Variants in ACE observed in about 807,000 individuals in gnomAD.
ACE encodes the protein angiotensin I converting enzyme.
Under a neutral mutation model 162.3 loss-of-function variants are expected in ACE, and 122 were observed. The ratio of observed to expected loss-of-function variants is 0.75; its 90% CI spans 0.65 to 0.87. The LOEUF is 0.87. ACE is among the 40% of genes least tolerant of loss of function. The pLI, the probability that ACE is intolerant of heterozygous loss-of-function variation, is 0.00. For synonymous variants in ACE, 796 were observed against 720.6 expected (o/e 1.10, Z -1.68); for missense variants, 1,799 against 1,735.1 (o/e 1.04, Z -0.65).
At chr17:63,487,215 C>T (rs886229229) in intron 15 of ACE, 142 bp downstream of exon 15, 14 of 728,130 alleles carry the variant, frequency 1.9e-5, no homozygotes, top group African/African-American at 1.7e-4. Context: ...TTGTTTTCCA[C>T]GAGGGGGGCT....
chr17:63,493,817 CAG>C, intron 20 of ACE, 103 bp from the exon 21 acceptor site: 2 of 1,572,942 alleles, frequency 1.3e-6, no homozygotes, highest in Non-Finnish European at 1.7e-6. Flanking sequence ...AGGCAGGTCA[CAG>C]GGCCCAAAAG....
At position 63,482,482 on chromosome 17, in the gene ACE, CG is replaced by C. The variant is rs1568038030; in HGVS notation, c.1138del (p.Val380SerfsTer76). ...ACGCCCCAGGATCAAGCAGTGCACA[CG>C]GGTCACGATGGACCAGCTCTCCACA... ...RKDFRIKQCTRVTMDQLSTVH... is the reference protein window; with the variant it reads ...RKDFRIKQCTXVTMDQLSTVH... On this transcript the variant is annotated frameshift_variant, in exon 8 of 25. Coordinates refer to ENST00000290866, the MANE Select transcript of ACE (RefSeq NM_000789.4). LOFTEE classifies it high-confidence loss of function. The C allele has an allele frequency of 6.2e-7, 1 of 1,613,970 alleles. No individual in the cohort carries two copies. The highest frequency in any genetic ancestry group is 1.1e-5 in the South Asian group (1 of 91,074).
At position 63,497,313 on chromosome 17, in the gene ACE, C is replaced by T. The variant is rs752812293; in HGVS notation, c.3868C>T (p.Arg1290Trp). ...CAGCATCCGCCACCGCAGCCTCCAC[C>T]GGCACTCCCACGGGCCCCAGTTCGG... ...LFSIRHRSLH[R>W]HSHGPQFGSE... The change falls in exon 25 of 25, where the codon CGG (arginine) becomes TGG (tryptophan). Residue 1290 changes from arginine to tryptophan, a missense_variant. Physicochemically the swap from Arg to Trp is moderately radical, Grantham distance 101. Coordinates refer to ENST00000290866, the MANE Select transcript of ACE (RefSeq NM_000789.4). 115 of 1,549,700 alleles carry T rather than the reference C, an allele frequency of 7.4e-5. 1 individual carries two copies. In the East Asian group the frequency reaches 1.8e-3, roughly 24 times the overall value.
chr17:63,493,824 CA>C, intron 20 of ACE, 97 bp from the exon 21 acceptor site: 2 of 1,586,188 alleles, frequency 1.3e-6, no homozygotes. Context: ...TCACAGGGCC[CA>C]AAAGGTACAG....
intron 12 of ACE, 49 bp from the exon 13 acceptor site, chr17:63,485,187 G>T: frequency 2.5e-6 from 4 of 1,613,278 alleles, no homozygotes; most frequent in Non-Finnish European, 3.4e-6. Context: ...CCACAAACCT[G>T]GAGAGGGGAG....
At position 63,493,515 on chromosome 17, in the gene ACE, C is replaced by T. The variant is rs772433710; in HGVS notation, c.2992C>T (p.Gln998Ter). 1 of 1,614,056 alleles carries T rather than the reference C, an allele frequency of 6.2e-7. No homozygotes were observed. Among genetic ancestry groups the T allele is most frequent in the South Asian group, 1.1e-5 (1 of 91,086 alleles). ...HEMGHIQYFM[Q>*]YKDLPVALRE... ...AATGGGCCACATCCAGTATTTCATG[C>T]AGTACAAAGACTTACCTGTGGCCTT... Residue 998 changes from glutamine (Q) to a stop codon, truncating the protein, a stop_gained, in exon 20 of 25, where the codon CAG becomes TAG. Coordinates refer to ENST00000290866, the MANE Select transcript of ACE (RefSeq NM_000789.4). LOFTEE classifies it high-confidence loss of function.
chr17:63,493,869 G>A, intron 20 of ACE, 53 bp from the exon 21 acceptor site: 1 of 1,613,814 alleles, frequency 6.2e-7, no homozygotes, highest in Admixed American at 1.7e-5. Flanking sequence ...AGGCACACCA[G>A]GGCCAAGCCG....
rs749974477 is a variant in ACE, at chr17:63,477,838, C to A, written c.250-93C>A. On this transcript the variant is annotated intron_variant, in intron 1 of 24. Coordinates refer to ENST00000290866, the MANE Select transcript of ACE (RefSeq NM_000789.4). The stretch of plus-strand genomic sequence containing the variant: ...GGGCCCGGGCTCTGGAAGCCCTTGG[C>A]CTTCCTCCCCTCCCCCAGCACCGTG... 4 of 1,492,110 alleles carry A rather than the reference C, an allele frequency of 2.7e-6. No homozygotes were observed. The South Asian group carries it at 4.9e-5, about 18-fold the overall frequency. 92.4% of individuals were successfully genotyped at this position (1,492,110 alleles called of 1,614,324 possible).
At position 63,485,387 on chromosome 17, in the gene ACE, C is replaced by T. The variant is rs1416105426; in HGVS notation, c.2058+15C>T. ...GCAAGATTCTGGTGGGAGCCACCTC[C>T]CCACCCCCAAACCTGAGCATGTGCA... On this transcript the variant is annotated intron_variant, in intron 13 of 24. Coordinates refer to ENST00000290866, the MANE Select transcript of ACE (RefSeq NM_000789.4). 3 of 1,613,638 alleles carry T rather than the reference C, an allele frequency of 1.9e-6. No homozygotes were observed. The highest frequency in any genetic ancestry group is 2.5e-6 in the Non-Finnish European group (3 of 1,179,910).
chr17:63,480,979 C>T, intron 5 of ACE, 112 bp from the exon 6 acceptor site: 1 of 1,026,604 alleles, frequency 9.7e-7, no homozygotes, highest in Non-Finnish European at 1.5e-6. Context: ...GGCCTGCAGC[C>T]CTTGAGGGCC....
At position 63,490,983 on chromosome 17, in the gene ACE, A is replaced by ATC. The variant is rs2030333357; in HGVS notation, c.2673_2674dup (p.Tyr892SerfsTer21). 1 of 1,614,162 alleles carries ATC rather than the reference A, an allele frequency of 6.2e-7. No individual in the cohort carries two copies. The highest frequency in any genetic ancestry group is 1.3e-5 in the African/African-American group (1 of 75,054). ...CATGTGGGCGCAGACCTGGTCCAACATCTATGACTTGGTGGTGCCCTTCCC... is the reference window on the plus strand; with the variant it reads ...CATGTGGGCGCAGACCTGGTCCAACATCTCTATGACTTGGTGGTGCCCTTCCC... On this transcript the variant is annotated frameshift_variant, in exon 18 of 25. Coordinates refer to ENST00000290866, the MANE Select transcript of ACE (RefSeq NM_000789.4). LOFTEE classifies it high-confidence loss of function.
Position 63,493,475 on chromosome 17 carries a change from G to A in ACE, c.2952G>A (p.Val984=), listed in dbSNP as rs3730044. 9,775 of 1,614,076 alleles carry A rather than the reference G, an allele frequency of 6.1e-3. 81 individuals are homozygous for A. The highest frequency in any genetic ancestry group is 5.8e-3 in the Non-Finnish European group (6,825 of 1,180,012). ...CCACCGTGAACTTGGAGGACCTGGT[G>A]GTGGCCCACCACGAAATGGGCCACA... The part of the protein sequence containing the change: ...QCTTVNLEDL[V]VAHHEMGHIQ... The change falls in exon 20 of 25, where the codon GTG becomes GTA. Residue 984 remains valine, a synonymous_variant. Transcript: ENST00000290866.
intron 6 of ACE, among the ~76,000 whole-genome samples, 175 bp downstream of exon 6, chr17:63,481,363 C>G (rs991887869): frequency 1.2e-4 from 18 of 152,190 alleles, no homozygotes; most frequent in South Asian, 2.1e-4. Context: ...CTCCTCCCTC[C>G]AGGCTCCACA....
Position 63,493,531 on chromosome 17 carries a change from C to A in ACE, c.3008C>A (p.Pro1003His). ...TATTTCATGCAGTACAAAGACTTAC[C>A]TGTGGCCTTGAGGGAGGGTGCCAAC... ...IQYFMQYKDL[P>H]VALREGANPG... The change falls in exon 20 of 25, where the codon CCT becomes CAT. Residue 1003 changes from proline to histidine, a missense_variant. Transcript: ENST00000290866. The A allele has an allele frequency of 6.2e-7, 1 of 1,614,146 alleles. No individual in the cohort carries two copies. Among genetic ancestry groups the A allele is most frequent in the Non-Finnish European group, 8.5e-7 (1 of 1,180,040 alleles).
At chr17:63,477,432 C>G in intron 1 of ACE, 89 bp downstream of exon 1, 2 of 1,067,324 alleles carry the variant, frequency 1.9e-6, no homozygotes, top group African/African-American at 3.4e-5. Flanking sequence ...CAGGCTGGCG[C>G]CCCCGACCCG....
Position 63,477,316 on chromosome 17 carries a change from C to T in ACE, c.222C>T (p.Asn74=), listed in dbSNP as rs760330379. The T allele has an allele frequency of 7.1e-7, 1 of 1,406,892 alleles. No individual in the cohort carries two copies. Among genetic ancestry groups the T allele is most frequent in the South Asian group, 1.5e-5 (1 of 65,966 alleles). The allele number at this position is 1,406,892 out of a possible 1,614,324, so 87.2% of individuals were successfully genotyped here. The change falls in exon 1 of 25, where the codon AAC becomes AAT. Residue 74 remains asparagine (N), a synonymous_variant. Transcript: ENST00000290866. ...SVAASWAHDT[N]ITAENARRQE... is the part of the protein sequence containing the mutation. ...CCGCCAGCTGGGCGCACGACACCAACATCACCGCGGAGAATGCAAGGCGCC... is the reference window on the plus strand; with the variant it reads ...CCGCCAGCTGGGCGCACGACACCAATATCACCGCGGAGAATGCAAGGCGCC...
Position 63,488,963 on chromosome 17 carries a change from G to A in ACE, c.2472G>A (p.Ser824=), listed in dbSNP as rs149528336. The change falls in exon 17 of 25, where the codon TCG becomes TCA. Residue 824 remains serine (S), a synonymous_variant. Transcript: ENST00000290866. ...TAGGCTATGTAGATGCAGGGGACTCGTGGAGGTCTATGTACGAGACACCAT... is the reference window on the plus strand; with the variant it reads ...TAGGCTATGTAGATGCAGGGGACTCATGGAGGTCTATGTACGAGACACCAT... ...RLNGYVDAGD[S]WRSMYETPSL... 5.3e-5 allele frequency: 86 copies of A among 1,614,032 alleles called. No individual in the cohort carries two copies. The highest frequency in any genetic ancestry group is 1.6e-4 in the Middle Eastern group (1 of 6,070).
At chr17:63,485,772 C>CAAAAA (rs781292581) in intron 13 of ACE, 48 of 96,444 alleles carry the variant, frequency 5.0e-4, no homozygotes, top group South Asian at 1.9e-3. Flanking sequence ...GAGACTCCAT[C>CAAAAA]AAAAAAAAAA....
chr17:63,491,501 C>A lies in ACE; in HGVS notation c.2912+120C>A. ...CAGCAGGGCAGGATGGGGACAGGGC[C>A]AGAGTTTGGGACTGAGTGTCTAGAG... On this transcript the variant is annotated intron_variant, in intron 19 of 24. Transcript: ENST00000290866. This position sits in a 1 kb window ranked among gnomAD's most constrained non-coding sequence, Gnocchi z 4.4. The A allele has an allele frequency of 7.4e-7, 1 of 1,350,768 alleles. No individual in the cohort carries two copies. Among genetic ancestry groups the A allele is most frequent in the Non-Finnish European group, 1.0e-6 (1 of 959,798 alleles). 83.7% of individuals were successfully genotyped at this position (1,350,768 alleles called of 1,614,324 possible).
Sources: allele counts gnomAD v4.1 joint callset (sites outside exome capture counted in the v4.1 genomes callset), GRCh38; gene constraint gnomAD v4.1.1; non-coding constraint Gnocchi (gnomAD v3.1); transcripts MANE v1.5; gene names NCBI Gene and HGNC (gene_info 2026-07-23, HGNC 2026-07-21).